The following C4orf17 variants were observed in gnomAD, a reference collection of about 807,000 sequenced individuals.
The protein encoded by C4orf17 is uncharacterized protein C4orf17.
A neutral mutation model predicts 32.0 loss-of-function variants in C4orf17; 25 were observed. The ratio of observed to expected loss-of-function variants is 0.78; its 90% CI spans 0.57 to 1.09. The LOEUF is 1.09. Among genes scored for constraint, C4orf17 ranks in the 50% least tolerant of loss-of-function variants. The pLI, the probability that C4orf17 is intolerant of heterozygous loss-of-function variation, is 0.00. For synonymous variants in C4orf17, 149 were observed against 145.8 expected (o/e 1.02, Z -0.16); for missense variants, 420 against 420.0 (o/e 1.00, Z 0.00).
chr4:99,538,886 G>T (rs765579968), intron 6 of C4orf17, among the ~76,000 whole-genome samples: 1 of 152,112 alleles, frequency 6.6e-6, no homozygotes, highest in Non-Finnish European at 1.5e-5. Flanking sequence ...TGTAAGACTG[G>T]CTACTGTACT....
chr4:99,539,250 C>G lies in C4orf17; in HGVS notation c.716C>G (p.Pro239Arg). The G allele has an allele frequency of 6.2e-7, 1 of 1,614,080 alleles. No homozygotes were observed. The change falls in exon 7 of 9, where the codon CCA (proline) becomes CGA (arginine). Residue 239 changes from proline (P) to arginine (R), a missense_variant. Pro to Arg is a moderately radical substitution (Grantham distance 103). Coordinates refer to ENST00000326581, the MANE Select transcript of C4orf17 (RefSeq NM_032149.3). The stretch of plus-strand genomic sequence containing the variant: ...CACAGAAGAAACACCTCAATGGAAC[C>G]AGCAGCAGAGACTGGGAAGCCACCC... Reference protein sequence around the residue: ...THHRRNTSMEPAAETGKPPTV... With the variant: ...THHRRNTSMERAAETGKPPTV...
intron 7 of C4orf17, among the ~76,000 whole-genome samples, 198 bp from the exon 8 acceptor site, chr4:99,540,214 T>C (rs1005366207): frequency 1.2e-4 from 18 of 152,128 alleles, no homozygotes; most frequent in Non-Finnish European, 2.6e-4. Context: ...TATGATACAA[T>C]AGTTAAATAT....
chr4:99,525,767 C>T (rs190663532), intron 4 of C4orf17, among the ~76,000 whole-genome samples: 76 of 150,636 alleles, frequency 5.0e-4, no homozygotes, highest in Non-Finnish European at 9.7e-4. Flanking sequence ...ACTGCACTGC[C>T]GCCTGGTGAC....
intron 5 of C4orf17, among the ~76,000 whole-genome samples, chr4:99,532,321 T>A (rs188477526): frequency 2.1e-3 from 322 of 152,184 alleles, no homozygotes; most frequent in African/African-American, 7.2e-3. Context: ...CAGTGATGAA[T>A]TGGATAAAGA....
chr4:99,540,980 A>G (rs10516444), intron 8 of C4orf17: 39,881 of 152,438 alleles, frequency 0.26, 5,395 homozygotes, highest in South Asian at 0.35. Flanking sequence ...AGAATTGTGG[A>G]AAGTCCTACC....
At chr4:99,512,074 T>C (rs1418426004) in intron 1 of C4orf17, among the ~76,000 whole-genome samples, 2 of 152,100 alleles carry the variant, frequency 1.3e-5, no homozygotes, top group East Asian at 3.9e-4. Flanking sequence ...AAAGCATCCA[T>C]CCCAACAAAA....
rs1578193059 is a variant in C4orf17 at position 99,529,795 on chromosome 4, A to T, written c.403-20A>T. On this transcript the variant is annotated intron_variant, in intron 4 of 8. Coordinates refer to ENST00000326581, the MANE Select transcript of C4orf17 (RefSeq NM_032149.3). ...AGGTGGATGCAAATGTATATTGGTT[A>T]TATTATACTTTTGATTTAGGAAGAA... 6.3e-7 allele frequency: 1 copy of T among 1,589,480 alleles called. No individual in the cohort carries two copies. The highest frequency in any genetic ancestry group is 8.6e-7 in the Non-Finnish European group (1 of 1,166,830).
At chr4:99,521,655 T>C (rs936302325) in intron 2 of C4orf17, among the ~76,000 whole-genome samples, 3 of 152,058 alleles carry the variant, frequency 2.0e-5, no homozygotes, top group Non-Finnish European at 4.4e-5. Context: ...GGAGAGAGAT[T>C]TGGAAAAATG....
chr4:99,524,530 G>A lies in C4orf17; in HGVS notation c.347G>A (p.Arg116Lys). ...VPPRPHSEPS[R>K]KIKECFKTSS... The stretch of plus-strand genomic sequence containing the variant: ...CTCAATTTTATTTCAGAGCCCAGTA[G>A]AAAAATTAAAGAGTGCTTCAAAACT... The change falls in exon 4 of 9, where the codon AGA becomes AAA. Residue 116 changes from arginine (R) to lysine (K), a missense_variant. Arg to Lys is a conservative substitution (Grantham distance 26, BLOSUM62 2). Transcript: ENST00000326581. The A allele has an allele frequency of 1.3e-6, 2 of 1,598,370 alleles. No homozygotes were observed. Among genetic ancestry groups the A allele is most frequent in the South Asian group, 2.2e-5 (2 of 89,696 alleles).
chr4:99,519,727 G>A (rs1723253295), intron 2 of C4orf17, among the ~76,000 whole-genome samples: 1 of 152,172 alleles, frequency 6.6e-6, no homozygotes, highest in Non-Finnish European at 1.5e-5. Flanking sequence ...AGATGAGCAG[G>A]ACCTCACTAG....
At chr4:99,534,819 A>T (rs760506579) in intron 5 of C4orf17, among the ~76,000 whole-genome samples, 26 of 152,298 alleles carry the variant, frequency 1.7e-4, no homozygotes, top group Middle Eastern at 3.4e-3. Flanking sequence ...AGACTTGTTT[A>T]TGTGGTTGCT....
intron 5 of C4orf17, among the ~76,000 whole-genome samples, chr4:99,536,906 C>A (rs900324981): frequency 6.6e-6 from 1 of 152,194 alleles, no homozygotes; most frequent in Non-Finnish European, 1.5e-5. Flanking sequence ...AGTCACGAAC[C>A]TTTTGGAAGG....
At chr4:99,526,654 T>C (rs1723392282) in intron 4 of C4orf17, among the ~76,000 whole-genome samples, 1 of 150,896 alleles carries the variant, frequency 6.6e-6, no homozygotes, top group Non-Finnish European at 1.5e-5. Context: ...TTCTTTTCTT[T>C]TTTTTTTTTT....
intron 2 of C4orf17, among the ~76,000 whole-genome samples, chr4:99,513,446 G>T (rs1308713737): frequency 6.6e-6 from 1 of 152,160 alleles, no homozygotes; most frequent in Non-Finnish European, 1.5e-5. Context: ...TGATTGTTAG[G>T]ACAGGGGCCT....
At chr4:99,522,352 T>TTC in intron 2 of C4orf17, 148 bp from the exon 3 acceptor site, 1 of 647,636 alleles carries the variant, frequency 1.5e-6, no homozygotes. Flanking sequence ...ATACAATTTT[T>TTC]TTTTTTGGTT....
intron 2 of C4orf17, among the ~76,000 whole-genome samples, chr4:99,520,185 G>A (rs1481776601): frequency 6.6e-6 from 1 of 151,852 alleles, no homozygotes; most frequent in Admixed American, 6.6e-5. Context: ...CGCCTCGCGG[G>A]TTCATGCCAT....
chr4:99,531,335 A>C (rs1387219124), intron 5 of C4orf17, among the ~76,000 whole-genome samples: 1 of 152,148 alleles, frequency 6.6e-6, no homozygotes, highest in Admixed American at 6.6e-5. Context: ...TTGAATAAAT[A>C]AATTAAAAGG....
chr4:99,532,044 A>T (rs1255923441), intron 5 of C4orf17, among the ~76,000 whole-genome samples: 2 of 152,106 alleles, frequency 1.3e-5, no homozygotes, highest in Admixed American at 1.3e-4. Context: ...CCTTCCAAAG[A>T]TCTTTATAGA....
Position 99,540,425 on chromosome 4 carries a change from G to A in C4orf17, c.850G>A (p.Gly284Arg). 1 of 1,611,610 alleles carries A rather than the reference G, an allele frequency of 6.2e-7. No individual in the cohort carries two copies. Among genetic ancestry groups the A allele is most frequent in the Non-Finnish European group, 8.5e-7 (1 of 1,178,454 alleles). Residue 284 changes from glycine to arginine, a missense_variant, in exon 8 of 9, where the codon GGA becomes AGA. Transcript: ENST00000326581. ...CAACTGATCTAGAGTGTCAAGTCAA[G>A]GATCTGAAGAAAACAAGGAAGTACC... ...GDQPTRVSSQ[G>R]SEENKEVPKE...
Sources: allele counts gnomAD v4.1 joint callset (sites outside exome capture counted in the v4.1 genomes callset), GRCh38; gene constraint gnomAD v4.1.1; transcripts MANE v1.5; gene names NCBI Gene and HGNC (gene_info 2026-07-23, HGNC 2026-07-21).